The following PRKAG2 variants were observed in gnomAD, a reference collection of about 807,000 sequenced individuals.
PRKAG2 encodes 5'-AMP-activated protein kinase subunit gamma-2.
A neutral mutation model predicts 69.6 loss-of-function variants in PRKAG2; 26 were observed. The ratio of observed to expected loss-of-function variants is 0.37; its 90% CI spans 0.27 to 0.52. PRKAG2 has a LOEUF of 0.52. Ranked by LOEUF, PRKAG2 falls within the 20% of genes least tolerant of loss-of-function variation. The pLI is 0.90. For synonymous variants in PRKAG2, 293 were observed against 285.0 expected (o/e 1.03, Z -0.28); for missense variants, 557 against 740.0 (o/e 0.75, Z 2.87).
chr7:151,800,275 G>A lies in PRKAG2; in HGVS notation c.115-13734C>T, dbSNP rs1335244128. Among the ~76,000 whole-genome samples the A allele has an allele frequency of 4.0e-5, 6 of 151,272 alleles. No homozygotes were observed. The East Asian group carries it at 9.8e-4, about 25-fold the overall frequency. On this transcript the variant is annotated intron_variant, in intron 1 of 15. Transcript: ENST00000287878. ...CGGGAGGCTGAGGCAGGAGAATGGCGTGAACCCGGGAGGCGGAGCTTGCAG... is the reference window on the plus strand; with the variant it reads ...CGGGAGGCTGAGGCAGGAGAATGGCATGAACCCGGGAGGCGGAGCTTGCAG...
At chr7:151,768,476 T>C (rs1332901066) in intron 3 of PRKAG2, among the ~76,000 whole-genome samples, 3 of 152,166 alleles carry the variant, frequency 2.0e-5, no homozygotes, top group Non-Finnish European at 2.9e-5. Flanking sequence ...TCTTTCTTTT[T>C]TTTTCTGGAG....
At chr7:151,874,468 GTAT>G (rs2080334777) in intron 1 of PRKAG2, among the ~76,000 whole-genome samples, 1 of 30,294 alleles carries the variant, frequency 3.3e-5, no homozygotes, top group Non-Finnish European at 9.3e-5. Context: ...ATATGTATAT[GTAT>G]ATGATGTATA....
chr7:151,852,173 G>A (rs1458678669), intron 1 of PRKAG2, among the ~76,000 whole-genome samples: 1 of 152,170 alleles, frequency 6.6e-6, no homozygotes, highest in Non-Finnish European at 1.5e-5. Context: ...ACTGGTCGGG[G>A]GTCCCTGGGG....
intron 1 of PRKAG2, among the ~76,000 whole-genome samples, chr7:151,844,938 C>T (rs1046832077): frequency 1.3e-5 from 2 of 150,140 alleles, no homozygotes; most frequent in Non-Finnish European, 2.9e-5. Flanking sequence ...CTCCCCAGCC[C>T]GGCAAACCTC....
intron 1 of PRKAG2, among the ~76,000 whole-genome samples, chr7:151,859,201 G>C (rs2079856042): frequency 6.6e-6 from 1 of 152,376 alleles, no homozygotes; most frequent in Non-Finnish European, 1.5e-5. Context: ...CAGGGAATGG[G>C]CTTCGAGGGT....
intron 5 of PRKAG2, among the ~76,000 whole-genome samples, chr7:151,617,409 A>T (rs1218550251): frequency 6.6e-6 from 1 of 152,038 alleles, no homozygotes; most frequent in African/African-American, 2.4e-5. Flanking sequence ...GAGGGTGTTG[A>T]TGAAACAAGG....
chr7:151,609,239 A>T (rs1818209981), intron 5 of PRKAG2, among the ~76,000 whole-genome samples: 2 of 152,238 alleles, frequency 1.3e-5, no homozygotes, highest in Admixed American at 1.3e-4. Context: ...TTCAGAGATA[A>T]GCACTACAGT....
At chr7:151,611,129 T>A (rs1304250925) in intron 5 of PRKAG2, among the ~76,000 whole-genome samples, 1 of 152,212 alleles carries the variant, frequency 6.6e-6, no homozygotes, top group Non-Finnish European at 1.5e-5. Context: ...TCTCTGCTTT[T>A]AAGTCAAAAG....
intron 1 of PRKAG2, among the ~76,000 whole-genome samples, chr7:151,816,386 C>G (rs2151859827): frequency 6.6e-6 from 1 of 152,038 alleles, no homozygotes; most frequent in South Asian, 2.1e-4. Flanking sequence ...TCCTCAAGGT[C>G]CCTTTCAGAC....
intron 5 of PRKAG2, among the ~76,000 whole-genome samples, chr7:151,627,676 T>G (rs1823317422): frequency 6.6e-6 from 1 of 152,158 alleles, no homozygotes; most frequent in African/African-American, 2.4e-5. Context: ...AAGAAGATTC[T>G]ATTTCGTTGT....
chr7:151,564,313 T>C, intron 13 of PRKAG2, 89 bp from the exon 14 acceptor site: 2 of 1,427,138 alleles, frequency 1.4e-6, no homozygotes, highest in South Asian at 1.2e-5. Context: ...GCCTGATTTC[T>C]AAAAACTTTA....
intron 3 of PRKAG2, among the ~76,000 whole-genome samples, chr7:151,749,101 C>T (rs1308773707): frequency 6.8e-6 from 1 of 146,476 alleles, no homozygotes; most frequent in Non-Finnish European, 1.5e-5. Flanking sequence ...AAACTGTGCT[C>T]ACTGCAAAGC....
chr7:151,868,010 C>G (rs548758343), intron 1 of PRKAG2, among the ~76,000 whole-genome samples: 1 of 152,158 alleles, frequency 6.6e-6, no homozygotes, highest in African/African-American at 2.4e-5. Flanking sequence ...ATGGAAAAGA[C>G]GCTGGGAGCC....
chr7:151,599,243 T>C (rs1815398956), intron 5 of PRKAG2, among the ~76,000 whole-genome samples: 1 of 152,164 alleles, frequency 6.6e-6, no homozygotes, highest in African/African-American at 2.4e-5. Context: ...CAACCAATCA[T>C]GGAAATCTAG....
rs181944479 is a variant in PRKAG2, at chr7:151,807,091, C to A, written c.115-20550G>T. On this transcript the variant is annotated intron_variant, in intron 1 of 15. Transcript: ENST00000287878. The surrounding 1 kb of genome is among the most constrained non-coding windows in gnomAD (Gnocchi z 4.4). ...AGGTGGAGGTGGGGAAGGGCAGAGG[C>A]TGTAAAGGGTCAGAGGGACCTTGTG... 2.4e-5 allele frequency: 10 copies of A among 414,070 alleles called. No homozygotes were observed. The East Asian group carries it at 7.0e-4, about 29-fold the overall frequency. The allele number at this position is 414,070 out of a possible 1,614,324, so 25.6% of individuals were successfully genotyped here.
At chr7:151,733,902 C>T (rs1799352164) in intron 3 of PRKAG2, among the ~76,000 whole-genome samples, 1 of 151,902 alleles carries the variant, frequency 6.6e-6, no homozygotes, top group Non-Finnish European at 1.5e-5. Flanking sequence ...ATGATGTTGC[C>T]CAGGCTGGTC....
intron 3 of PRKAG2, among the ~76,000 whole-genome samples, chr7:151,725,180 ACAG>A (rs1168545152): frequency 6.6e-6 from 1 of 152,166 alleles, no homozygotes; most frequent in Non-Finnish European, 1.5e-5. Context: ...GTCCACATGC[ACAG>A]CAGAATATTA....
intron 3 of PRKAG2, among the ~76,000 whole-genome samples, chr7:151,682,587 T>C (rs1834044126): frequency 1.3e-5 from 2 of 152,192 alleles, no homozygotes; most frequent in Non-Finnish European, 2.9e-5. Flanking sequence ...TAAGGTCAAC[T>C]GCTGAACTCA....
At chr7:151,715,186 T>C (rs1795969393) in intron 3 of PRKAG2, among the ~76,000 whole-genome samples, 1 of 149,960 alleles carries the variant, frequency 6.7e-6, no homozygotes, top group Admixed American at 6.6e-5. Context: ...CAACTAACTT[T>C]TGTATTTTTA....
Sources: allele counts gnomAD v4.1 joint callset (sites outside exome capture counted in the v4.1 genomes callset), GRCh38; gene constraint gnomAD v4.1.1; non-coding constraint Gnocchi (gnomAD v3.1); transcripts MANE v1.5; gene names NCBI Gene and HGNC (gene_info 2026-07-23, HGNC 2026-07-21).